The following EPSTI1 variants were observed in gnomAD, a reference collection of about 807,000 sequenced individuals.
EPSTI1 encodes epithelial stromal interaction 1.
A neutral mutation model predicts 49.9 loss-of-function variants in EPSTI1; 66 were observed. That is an observed-to-expected ratio of 1.32 (90% CI 1.08 to 1.62). The LOEUF (loss-of-function observed/expected upper bound fraction) is 1.62. EPSTI1 is among the 40% of genes most tolerant of loss of function. EPSTI1 has a pLI of 0.00. For missense variants in EPSTI1, 394 were observed against 365.5 expected (o/e 1.08, Z -0.64); for synonymous variants, 137 against 130.7 (o/e 1.05, Z -0.33).
Position 42,975,032 on chromosome 13 carries a change from C to T in EPSTI1, c.189-4362G>A, listed in dbSNP as rs560986068. ...TGAAGTTTTCATAGTTCAAGAAAAT[C>T]TTATCCTTGGGTATATATAAATTGA... On this transcript the variant is annotated intron_variant, in intron 1 of 10. Transcript: ENST00000313624. Among the ~76,000 whole-genome samples the T allele has an allele frequency of 2.0e-5, 3 of 152,052 alleles. No homozygotes were observed. The South Asian group carries it at 6.2e-4, about 32-fold the overall frequency.
chr13:42,936,354 A>G (rs572381457), intron 6 of EPSTI1, among the ~76,000 whole-genome samples: 6 of 152,178 alleles, frequency 3.9e-5, no homozygotes, highest in Non-Finnish European at 7.3e-5. Context: ...CTATTCCCAT[A>G]TCTCCATTTA....
intron 7 of EPSTI1, chr13:42,919,164 T>C: frequency 1.5e-6 from 1 of 684,282 alleles, no homozygotes; most frequent in East Asian, 2.7e-5. Context: ...TCTTAGTTTT[T>C]GACTCAGAAA....
At chr13:42,913,048 A>C (rs1440294279) in intron 8 of EPSTI1, among the ~76,000 whole-genome samples, 2 of 152,096 alleles carry the variant, frequency 1.3e-5, no homozygotes, top group Non-Finnish European at 2.9e-5. Flanking sequence ...CAAGATTAGA[A>C]ACAAAAATAG....
chr13:42,979,603 GA>G (rs576349367), intron 1 of EPSTI1, among the ~76,000 whole-genome samples: 1 of 93,752 alleles, frequency 1.1e-5, no homozygotes, highest in Non-Finnish European at 2.3e-5. Flanking sequence ...AAAAAAAAAA[GA>G]AAAGAAAAGA....
At chr13:42,894,324 G>A (rs1442126624) in intron 10 of EPSTI1, among the ~76,000 whole-genome samples, 1 of 152,236 alleles carries the variant, frequency 6.6e-6, no homozygotes, top group East Asian at 1.9e-4. Flanking sequence ...GTGAGAGAGA[G>A]AGAAGGTAGT....
At position 42,895,128 on chromosome 13, in the gene EPSTI1, G is replaced by C; in HGVS notation, c.816-20C>G. The C allele has an allele frequency of 6.3e-7, 1 of 1,587,690 alleles. No individual in the cohort carries two copies. The highest frequency in any genetic ancestry group is 8.6e-7 in the Non-Finnish European group (1 of 1,159,694). ...TTTACCCTTTAAAACAATGAAAAATGTGTGTGAGTAGAAAACTTGCTGCAG... is the reference window on the plus strand; with the variant it reads ...TTTACCCTTTAAAACAATGAAAAATCTGTGTGAGTAGAAAACTTGCTGCAG... On this transcript the variant is annotated intron_variant, in intron 9 of 10. Coordinates refer to ENST00000313624, the MANE Select transcript of EPSTI1 (RefSeq NM_033255.5).
chr13:42,971,976 C>T (rs1037965674), intron 1 of EPSTI1, among the ~76,000 whole-genome samples: 6 of 152,202 alleles, frequency 3.9e-5, no homozygotes, highest in Non-Finnish European at 5.9e-5. Flanking sequence ...TTGTCCATTG[C>T]ACATTCTTTG....
At chr13:42,918,894 C>A (rs577399563) in intron 7 of EPSTI1, among the ~76,000 whole-genome samples, 2 of 151,680 alleles carry the variant, frequency 1.3e-5, no homozygotes, top group Non-Finnish European at 1.5e-5. Flanking sequence ...AGAAGGCTAG[C>A]CTTTATCACA....
intron 8 of EPSTI1, among the ~76,000 whole-genome samples, chr13:42,907,635 C>G (rs1312019289): frequency 6.6e-6 from 1 of 152,084 alleles, no homozygotes; most frequent in Non-Finnish European, 1.5e-5. Context: ...TCTCCTTACC[C>G]CAACAAATAC....
chr13:42,986,219 C>T (rs555384241), intron 1 of EPSTI1, among the ~76,000 whole-genome samples: 8 of 152,342 alleles, frequency 5.3e-5, no homozygotes, highest in Non-Finnish European at 1.5e-5. Context: ...TGAAGACAAT[C>T]TGAATAACAA....
chr13:42,947,298 A>G (rs1212037234), intron 6 of EPSTI1, among the ~76,000 whole-genome samples: 1 of 48,260 alleles, frequency 2.1e-5, no homozygotes, highest in African/African-American at 9.7e-5. Flanking sequence ...AAGCCCAGAC[A>G]TTTCAAAAAA....
chr13:42,946,377 C>A (rs550516779), intron 6 of EPSTI1, among the ~76,000 whole-genome samples: 3 of 152,236 alleles, frequency 2.0e-5, no homozygotes, highest in Admixed American at 6.5e-5. Context: ...GCGCTTGGTT[C>A]CAAGAGCTTT....
intron 8 of EPSTI1, among the ~76,000 whole-genome samples, chr13:42,908,954 G>A (rs1313754564): frequency 2.0e-5 from 3 of 150,950 alleles, no homozygotes; most frequent in Non-Finnish European, 4.4e-5. Flanking sequence ...ATAGCTGGGT[G>A]TGGTGGTGGG....
intron 9 of EPSTI1, 98 bp downstream of exon 9, chr13:42,900,212 A>G (rs986642793): frequency 3.6e-6 from 4 of 1,116,816 alleles, no homozygotes; most frequent in Non-Finnish European, 5.4e-6. Flanking sequence ...TTCCAAAACC[A>G]TATTAATAAT....
rs2153437999 is a variant in EPSTI1 at position 42,992,214 on chromosome 13, G to T, written c.-49C>A. On this transcript the variant is annotated 5_prime_UTR_variant, in exon 1 of 11. Coordinates refer to ENST00000313624, the MANE Select transcript of EPSTI1 (RefSeq NM_033255.5). The stretch of plus-strand genomic sequence containing the variant: ...GCCGCCGTCGCTGCGGGAGGGATGC[G>T]GCTGGGACGCTTAGCGAGTCTCAAG... 1.3e-6 allele frequency: 2 copies of T among 1,485,012 alleles called. No homozygotes were observed. The highest frequency in any genetic ancestry group is 1.4e-5 in the African/African-American group (1 of 71,226). The allele number at this position is 1,485,012 out of a possible 1,614,324, so 92.0% of individuals were successfully genotyped here.
At chr13:42,965,155 C>T (rs1429393741) in intron 3 of EPSTI1, among the ~76,000 whole-genome samples, 1 of 152,106 alleles carries the variant, frequency 6.6e-6, no homozygotes, top group East Asian at 1.9e-4. Context: ...AATGTTACAG[C>T]AACTTTTAGT....
In EPSTI1 at chr13:42,964,173, A is replaced by G. The variant is rs762985389; in HGVS notation, c.332-34T>C. 3.8e-6 allele frequency: 6 copies of G among 1,573,498 alleles called. No homozygotes were observed. In the East Asian group the frequency reaches 1.3e-4, roughly 35 times the overall value. ...AAAAAAATCCATGAAGGTGAAACATAAATATTAAGCTGAAATGTCAGCCAT... is the reference window on the plus strand; with the variant it reads ...AAAAAAATCCATGAAGGTGAAACATGAATATTAAGCTGAAATGTCAGCCAT... On this transcript the variant is annotated intron_variant, in intron 3 of 10. Coordinates refer to ENST00000313624, the MANE Select transcript of EPSTI1 (RefSeq NM_033255.5).
chr13:42,938,445 C>T (rs2038637711), intron 6 of EPSTI1, among the ~76,000 whole-genome samples: 1 of 151,710 alleles, frequency 6.6e-6, no homozygotes, highest in Non-Finnish European at 1.5e-5. Flanking sequence ...TTTTAAGGGC[C>T]CTAGGATTTT....
intron 5 of EPSTI1, among the ~76,000 whole-genome samples, chr13:42,959,933 T>A (rs982799844): frequency 4.6e-5 from 7 of 152,224 alleles, no homozygotes; most frequent in Non-Finnish European, 1.0e-4. Flanking sequence ...CTTGTCATTA[T>A]TCCCTAAACA....
Sources: allele counts gnomAD v4.1 joint callset (sites outside exome capture counted in the v4.1 genomes callset), GRCh38; gene constraint gnomAD v4.1.1; transcripts MANE v1.5; gene names NCBI Gene and HGNC (gene_info 2026-07-23, HGNC 2026-07-21).